Variants in KCNB2 observed in about 807,000 individuals in gnomAD.
KCNB2 encodes potassium voltage-gated channel subfamily B member 2, also known as delayed rectifier potassium channel protein.
In KCNB2, 15 loss-of-function variants were observed where a neutral mutation model predicts 61.5. That is an observed-to-expected ratio of 0.24 (90% CI 0.16 to 0.38). KCNB2 has a LOEUF of 0.38. KCNB2 is among the 10% of genes least tolerant of loss of function. The pLI, the probability that KCNB2 is intolerant of heterozygous loss-of-function variation, is 1.00. For synonymous variants in KCNB2, 457 were observed against 446.0 expected (o/e 1.02, Z -0.31); for missense variants, 828 against 1,125.2 (o/e 0.74, Z 3.78).
chr8:72,783,595 A>C (rs1431141129), intron 2 of KCNB2, among the ~76,000 whole-genome samples: 1 of 152,042 alleles, frequency 6.6e-6, no homozygotes, highest in Non-Finnish European at 1.5e-5. Context: ...CATCCTCCCC[A>C]CAAATCTTCA....
At chr8:72,711,833 C>A (rs1434980094) in intron 2 of KCNB2, among the ~76,000 whole-genome samples, 1 of 152,060 alleles carries the variant, frequency 6.6e-6, no homozygotes, top group Non-Finnish European at 1.5e-5. Flanking sequence ...ACTAAAAATA[C>A]CAAAAAATAT....
chr8:72,901,953 G>A (rs1315479877), intron 2 of KCNB2, among the ~76,000 whole-genome samples: 1 of 152,178 alleles, frequency 6.6e-6, no homozygotes, highest in Non-Finnish European at 1.5e-5. Context: ...TTGAGCTGAT[G>A]TCTTGAGGAG....
chr8:72,608,462 G>T (rs571893068), intron 2 of KCNB2, among the ~76,000 whole-genome samples: 39 of 152,248 alleles, frequency 2.6e-4, no homozygotes, highest in Non-Finnish European at 4.6e-4. Context: ...GGGAAACAGA[G>T]AACATGTTGG....
intron 1 of KCNB2, among the ~76,000 whole-genome samples, chr8:72,555,437 C>G (rs555046799): frequency 1.6e-4 from 24 of 151,750 alleles, no homozygotes; most frequent in African/African-American, 5.5e-4. Flanking sequence ...TGATCTTAAG[C>G]TGAAATAAAA....
intron 2 of KCNB2, among the ~76,000 whole-genome samples, chr8:72,842,917 T>C (rs1480218314): frequency 6.6e-6 from 1 of 152,232 alleles, no homozygotes; most frequent in East Asian, 1.9e-4. Context: ...TTGAAGAGTT[T>C]TTTGTGTCTC....
At chr8:72,727,984 A>G (rs573162769) in intron 2 of KCNB2, among the ~76,000 whole-genome samples, 1 of 152,136 alleles carries the variant, frequency 6.6e-6, no homozygotes, top group African/African-American at 2.4e-5. Context: ...TGCAAGGAAA[A>G]TGAAACTAAT....
At chr8:72,779,469 T>A (rs890765187) in intron 2 of KCNB2, among the ~76,000 whole-genome samples, 2 of 148,924 alleles carry the variant, frequency 1.3e-5, no homozygotes, top group East Asian at 1.9e-4. Flanking sequence ...GATGCCTTCC[T>A]GCCAGAAATC....
chr8:72,603,946 G>C (rs564023460), intron 2 of KCNB2, among the ~76,000 whole-genome samples: 24 of 152,270 alleles, frequency 1.6e-4, no homozygotes, highest in African/African-American at 5.8e-4. Flanking sequence ...ATTGGAGAAA[G>C]ATATGGTGTT....
intron 2 of KCNB2, among the ~76,000 whole-genome samples, chr8:72,582,193 A>G (rs758269404): frequency 1.3e-5 from 2 of 152,234 alleles, no homozygotes; most frequent in Admixed American, 6.5e-5. Context: ...GGCAAGCTGC[A>G]TCCCCCAAGG....
intron 2 of KCNB2, chr8:72,619,304 A>C (rs1472436867): frequency 4.9e-6 from 3 of 615,840 alleles, no homozygotes; most frequent in Non-Finnish European, 9.5e-6. Context: ...AGAGATTGGC[A>C]GGGGAAAAGT....
At chr8:72,858,478 G>A (rs1222676453) in intron 2 of KCNB2, among the ~76,000 whole-genome samples, 1 of 152,132 alleles carries the variant, frequency 6.6e-6, no homozygotes, top group East Asian at 1.9e-4. Context: ...CTGCTATAAT[G>A]TACAACTTAG....
intron 2 of KCNB2, among the ~76,000 whole-genome samples, chr8:72,588,890 C>T (rs1325313936): frequency 6.6e-6 from 1 of 151,936 alleles, no homozygotes; most frequent in Admixed American, 6.6e-5. Context: ...AGCCAGACAC[C>T]ATCTCAAAAA....
At chr8:72,796,525 T>C (rs528028200) in intron 2 of KCNB2, among the ~76,000 whole-genome samples, 1 of 152,182 alleles carries the variant, frequency 6.6e-6, no homozygotes, top group African/African-American at 2.4e-5. Context: ...AACAGATTCA[T>C]GTCAAATTTA....
At chr8:72,646,623 CA>C (rs1330970639) in intron 2 of KCNB2, among the ~76,000 whole-genome samples, 1 of 152,112 alleles carries the variant, frequency 6.6e-6, no homozygotes, top group African/African-American at 2.4e-5. Context: ...AGGTCAGACA[CA>C]AAAGGGCAAA....
chr8:72,718,249 G>A (rs1436748963), intron 2 of KCNB2, among the ~76,000 whole-genome samples: 15 of 152,164 alleles, frequency 9.9e-5, no homozygotes, highest in East Asian at 1.9e-4. Context: ...TGTGGAAGTC[G>A]GTGTGGGGAT....
chr8:72,784,598 A>G (rs1252020148), intron 2 of KCNB2, among the ~76,000 whole-genome samples: 1 of 152,328 alleles, frequency 6.6e-6, no homozygotes, highest in East Asian at 1.9e-4. Context: ...GAAGAAGTGC[A>G]GAGCAAAGGG....
intron 2 of KCNB2, among the ~76,000 whole-genome samples, chr8:72,886,124 T>G (rs1478762672): frequency 6.6e-6 from 1 of 152,238 alleles, no homozygotes; most frequent in African/African-American, 2.4e-5. Flanking sequence ...TAGATCAAAC[T>G]CAGTTTAAAA....
intron 2 of KCNB2, among the ~76,000 whole-genome samples, chr8:72,902,486 G>T (rs912635695): frequency 2.6e-5 from 4 of 152,064 alleles, no homozygotes; most frequent in Non-Finnish European, 5.9e-5. Flanking sequence ...AGTTAAGAAG[G>T]TTCAGAAACT....
chr8:72,553,064 A>C (rs965174348), intron 1 of KCNB2, among the ~76,000 whole-genome samples: 6 of 152,166 alleles, frequency 3.9e-5, no homozygotes, highest in African/African-American at 1.4e-4. Context: ...TTAACAACAA[A>C]AAAATTTAAA....
Sources: allele counts gnomAD v4.1 joint callset (sites outside exome capture counted in the v4.1 genomes callset), GRCh38; gene constraint gnomAD v4.1.1; transcripts MANE v1.5; gene names NCBI Gene and HGNC (gene_info 2026-07-23, HGNC 2026-07-21).